The following CNTNAP2 variants were observed in gnomAD, a reference collection of about 807,000 sequenced individuals.
CNTNAP2 encodes contactin-associated protein-like 2.
CNTNAP2 carries 98 observed loss-of-function variants against 155.2 expected under a neutral mutation model. The observed-to-expected ratio is 0.63, with a 90% confidence interval of 0.54 to 0.75. The LOEUF (loss-of-function observed/expected upper bound fraction) is 0.75, where lower values mean the gene tolerates loss of function less well. Ranked by LOEUF, CNTNAP2 falls within the 30% of genes least tolerant of loss-of-function variation. The pLI, the probability that CNTNAP2 is intolerant of heterozygous loss-of-function variation, is 0.00. For missense variants in CNTNAP2, 1,727 were observed against 1,688.1 expected (o/e 1.02, Z -0.40); for synonymous variants, 651 against 631.2 (o/e 1.03, Z -0.47).
At chr7:146,949,513 C>A (rs1019212848) in intron 3 of CNTNAP2, among the ~76,000 whole-genome samples, 2 of 152,132 alleles carry the variant, frequency 1.3e-5, no homozygotes, top group Admixed American at 1.3e-4. Flanking sequence ...TTTTTTCCAT[C>A]ACCATCCTTT....
At chr7:146,693,116 C>A (rs150358084) in intron 1 of CNTNAP2, among the ~76,000 whole-genome samples, 204 of 152,072 alleles carry the variant, frequency 1.3e-3, no homozygotes, top group African/African-American at 4.5e-3. Flanking sequence ...AAAATGGAGA[C>A]GATACCTACT....
At chr7:146,673,639 C>CTGTA (rs1282292493) in intron 1 of CNTNAP2, among the ~76,000 whole-genome samples, 1 of 152,202 alleles carries the variant, frequency 6.6e-6, no homozygotes, top group African/African-American at 2.4e-5. Flanking sequence ...CAGACACCAG[C>CTGTA]TGTAACCAAT....
chr7:146,910,893 C>T (rs1333801627), intron 3 of CNTNAP2, among the ~76,000 whole-genome samples: 24 of 150,852 alleles, frequency 1.6e-4, no homozygotes, highest in South Asian at 8.3e-4. Flanking sequence ...AGAAAATTTT[C>T]GCAACCTACT....
intron 1 of CNTNAP2, among the ~76,000 whole-genome samples, chr7:146,533,694 A>G (rs1021601504): frequency 6.6e-6 from 1 of 152,084 alleles, no homozygotes; most frequent in African/African-American, 2.4e-5. Flanking sequence ...CTCTCAGTCC[A>G]TCTGTGTCAT....
chr7:147,450,284 G>C (rs914109644), intron 10 of CNTNAP2, among the ~76,000 whole-genome samples: 1 of 152,184 alleles, frequency 6.6e-6, no homozygotes, highest in Non-Finnish European at 1.5e-5. Flanking sequence ...AATATGAGGA[G>C]CCTCTAGGAG....
chr7:146,749,011 G>T (rs1191368419), intron 1 of CNTNAP2, among the ~76,000 whole-genome samples: 1 of 152,132 alleles, frequency 6.6e-6, no homozygotes, highest in African/African-American at 2.4e-5. Flanking sequence ...TAAAGTTATT[G>T]TGTAGCGAGG....
intron 3 of CNTNAP2, among the ~76,000 whole-genome samples, chr7:146,923,697 G>C (rs764333451): frequency 6.6e-6 from 1 of 152,094 alleles, no homozygotes; most frequent in Non-Finnish European, 1.5e-5. Context: ...TTTTGCTCCT[G>C]TTATTATCGC....
chr7:148,055,303 C>G (rs1563182830), intron 15 of CNTNAP2, among the ~76,000 whole-genome samples: 1 of 152,182 alleles, frequency 6.6e-6, no homozygotes, highest in African/African-American at 2.4e-5. Context: ...TAACTGATCA[C>G]TAACTTTTGA....
chr7:147,805,225 G>A (rs1003839688), intron 13 of CNTNAP2, among the ~76,000 whole-genome samples: 4 of 151,744 alleles, frequency 2.6e-5, no homozygotes, highest in East Asian at 1.9e-4. Context: ...GCCTGGCCTC[G>A]AACTCCTCAC....
chr7:147,484,408 C>T (rs1030516989), intron 10 of CNTNAP2, among the ~76,000 whole-genome samples: 6 of 147,994 alleles, frequency 4.1e-5, no homozygotes, highest in African/African-American at 1.2e-4. Context: ...TGTGAAATCC[C>T]GTAGTACTTT....
At chr7:146,531,986 T>A (rs1282984086) in intron 1 of CNTNAP2, among the ~76,000 whole-genome samples, 2 of 151,972 alleles carry the variant, frequency 1.3e-5, no homozygotes, top group Non-Finnish European at 2.9e-5. Flanking sequence ...GGGGGAGGTA[T>A]GTTGAGAAAG....
chr7:147,525,516 C>A (rs1052078118), intron 11 of CNTNAP2, among the ~76,000 whole-genome samples: 4 of 152,072 alleles, frequency 2.6e-5, no homozygotes, highest in South Asian at 4.1e-4. Flanking sequence ...CTTGTGGGAA[C>A]TAAAAATGGT....
chr7:147,760,935 C>T (rs999675992), intron 13 of CNTNAP2, among the ~76,000 whole-genome samples: 1 of 152,132 alleles, frequency 6.6e-6, no homozygotes, highest in Non-Finnish European at 1.5e-5. Flanking sequence ...GATCTTTGAA[C>T]TGGGCTTTTT....
chr7:148,018,813 G>T (rs1400534122), intron 15 of CNTNAP2, among the ~76,000 whole-genome samples: 8 of 152,190 alleles, frequency 5.3e-5, no homozygotes, highest in Admixed American at 5.2e-4. Flanking sequence ...AATGTCACAG[G>T]CTGTGCTTCT....
intron 3 of CNTNAP2, among the ~76,000 whole-genome samples, chr7:146,859,960 G>C (rs1026057036): frequency 4.6e-5 from 7 of 152,248 alleles, no homozygotes; most frequent in African/African-American, 1.7e-4. Context: ...GAGTGGGGGA[G>C]GAAGAGGATC....
chr7:147,532,765 A>T (rs910246662), intron 11 of CNTNAP2, among the ~76,000 whole-genome samples: 3 of 152,186 alleles, frequency 2.0e-5, no homozygotes, highest in Non-Finnish European at 4.4e-5. Context: ...AATGAGGAAG[A>T]AGTAAAAGCA....
Position 147,952,950 on chromosome 7 carries a change from G to A in CNTNAP2, c.2256-24912G>A, listed in dbSNP as rs57846245. On this transcript the variant is annotated intron_variant, in intron 14 of 23. Coordinates refer to ENST00000361727, the MANE Select transcript of CNTNAP2 (RefSeq NM_014141.6). Reference sequence around the variant, plus strand: ...TAGTCTAATTTTGCACCTGAGAAACGTAGAGATTTAGGGAATATTCCCAAG... The same window carrying A: ...TAGTCTAATTTTGCACCTGAGAAACATAGAGATTTAGGGAATATTCCCAAG... 3.9e-5 allele frequency among the ~76,000 whole-genome samples: 6 copies of A among 152,078 alleles called. No individual in the cohort carries two copies. The South Asian group carries it at 6.2e-4, about 16-fold the overall frequency.
chr7:146,661,712 TTTTC>T (rs1021323859), intron 1 of CNTNAP2, among the ~76,000 whole-genome samples: 57 of 128,718 alleles, frequency 4.4e-4, no homozygotes, highest in East Asian at 3.2e-3. Flanking sequence ...GAGTTTTTCT[TTTTC>T]TTTCTTTCTT....
chr7:147,976,092 A>G (rs1454118313), intron 14 of CNTNAP2, among the ~76,000 whole-genome samples: 2 of 152,126 alleles, frequency 1.3e-5, no homozygotes, highest in Non-Finnish European at 2.9e-5. Context: ...ATCACAAAAT[A>G]TTTTTTCATC....
Sources: allele counts gnomAD v4.1 joint callset (sites outside exome capture counted in the v4.1 genomes callset), GRCh38; gene constraint gnomAD v4.1.1; transcripts MANE v1.5; gene names NCBI Gene and HGNC (gene_info 2026-07-23, HGNC 2026-07-21).